CNTNAP2: variants seen among roughly 807,000 people sequenced by gnomAD.
CNTNAP2 encodes contactin associated protein 2, also known as contactin-associated protein-like 2.
A neutral mutation model predicts 155.2 loss-of-function variants in CNTNAP2; 98 were observed. That is an observed-to-expected ratio of 0.63 (90% CI 0.54 to 0.75). The LOEUF is 0.75. Ranked by LOEUF, CNTNAP2 falls within the 30% of genes least tolerant of loss-of-function variation. The pLI, the probability that CNTNAP2 is intolerant of heterozygous loss-of-function variation, is 0.00. For synonymous variants in CNTNAP2, 651 were observed against 631.2 expected, an observed-to-expected ratio of 1.03 and a Z score of -0.47; for missense variants, 1,727 against 1,688.1, an observed-to-expected ratio of 1.02 and a Z score of -0.40.
chr7:148,099,897 G>A (rs552741152), intron 15 of CNTNAP2, among the ~76,000 whole-genome samples: 4 of 126,358 alleles, frequency 3.2e-5, no homozygotes, highest in Non-Finnish European at 6.4e-5. Context: ...TTTTGAGACG[G>A]AGTCTCACTC....
intron 3 of CNTNAP2, among the ~76,000 whole-genome samples, chr7:147,007,597 T>G (rs1798547809): frequency 1.3e-5 from 2 of 152,098 alleles, no homozygotes; most frequent in East Asian, 3.9e-4. Flanking sequence ...GTTTCTTGGT[T>G]GTGGGTTGTG....
At chr7:147,385,329 C>T (rs1796606901) in intron 9 of CNTNAP2, among the ~76,000 whole-genome samples, 1 of 152,116 alleles carries the variant, frequency 6.6e-6, no homozygotes, top group African/African-American at 2.4e-5. Context: ...CCAACAGTCC[C>T]CCAAAGTCTT....
chr7:148,262,243 G>A (rs1306705529), intron 20 of CNTNAP2, among the ~76,000 whole-genome samples: 4 of 152,156 alleles, frequency 2.6e-5, no homozygotes. Context: ...CATCTGGGAG[G>A]CAGGAAGAAT....
At chr7:146,289,047 GCCCGCCTTGGCTTC>G (rs1202703576) in intron 1 of CNTNAP2, among the ~76,000 whole-genome samples, 1 of 144,886 alleles carries the variant, frequency 6.9e-6, no homozygotes, top group Non-Finnish European at 1.5e-5. Context: ...CAAGTGGTCT[GCCCGCCTTGGCTTC>G]CCAAAGTGCT....
At chr7:146,140,131 T>A (rs1797856536) in intron 1 of CNTNAP2, among the ~76,000 whole-genome samples, 1 of 152,102 alleles carries the variant, frequency 6.6e-6, no homozygotes. Flanking sequence ...ACTCAATGGA[T>A]TTTTCCTTTT....
At chr7:146,297,637 A>G (rs985044173) in intron 1 of CNTNAP2, among the ~76,000 whole-genome samples, 18 of 152,184 alleles carry the variant, frequency 1.2e-4, no homozygotes, top group Non-Finnish European at 1.5e-4. Flanking sequence ...TAAGGATTCC[A>G]TGTAGGTAAT....
At chr7:147,052,755 CTT>C (rs1465921301) in intron 4 of CNTNAP2, among the ~76,000 whole-genome samples, 2 of 151,722 alleles carry the variant, frequency 1.3e-5, no homozygotes, top group Non-Finnish European at 2.9e-5. Flanking sequence ...ATAAAAGTAA[CTT>C]AACATAAAAA....
At position 147,590,400 on chromosome 7, in the gene CNTNAP2, T is replaced by C. The variant is rs538090255; in HGVS notation, c.1897+28143T>C. ...TTCCCCCATGCTGTTCTTGTGACAG[T>C]GAGTTCTCACAAGATCTGATGGTCT... On this transcript the variant is annotated intron_variant, in intron 12 of 23. Transcript: ENST00000361727. Among the ~76,000 whole-genome samples the C allele has an allele frequency of 2.2e-4, 33 of 152,212 alleles. No homozygotes were observed. The East Asian group carries it at 6.4e-3, about 29-fold the overall frequency.
chr7:146,210,564 G>A lies in CNTNAP2; in HGVS notation c.97+93591G>A, dbSNP rs1022190291. Among the ~76,000 whole-genome samples the A allele has an allele frequency of 3.9e-5, 6 of 151,996 alleles. No individual in the cohort carries two copies. The East Asian group carries it at 7.7e-4, about 20-fold the overall frequency. The stretch of plus-strand genomic sequence containing the variant: ...AGGGATCTGCCTGCCTTAGCCTCCC[G>A]AAGTGCTGGAATTACAGGTGTGAGC... On this transcript the variant is annotated intron_variant, in intron 1 of 23. Transcript: ENST00000361727.
intron 13 of CNTNAP2, among the ~76,000 whole-genome samples, chr7:147,729,687 T>C (rs1451509805): frequency 6.6e-6 from 1 of 152,034 alleles, no homozygotes; most frequent in African/African-American, 2.4e-5. Flanking sequence ...GTGAGGGTAA[T>C]AGAGAAGATG....
intron 18 of CNTNAP2, among the ~76,000 whole-genome samples, chr7:148,213,566 C>T (rs999424042): frequency 2.6e-5 from 4 of 152,028 alleles, no homozygotes; most frequent in Admixed American, 2.0e-4. Context: ...CCCCAGCCTC[C>T]ATCTCTAGCC....
intron 1 of CNTNAP2, among the ~76,000 whole-genome samples, chr7:146,626,299 G>C (rs539552759): frequency 7.8e-4 from 119 of 152,154 alleles, no homozygotes; most frequent in African/African-American, 2.8e-3. Context: ...TTAATTAATG[G>C]TATTGAATTT....
chr7:147,191,388 G>T (rs1376584312), intron 8 of CNTNAP2, among the ~76,000 whole-genome samples: 3 of 152,168 alleles, frequency 2.0e-5, no homozygotes, highest in Non-Finnish European at 4.4e-5. Context: ...AAATCCTGAA[G>T]TCAAAGTAAA....
chr7:148,075,674 G>A (rs913526611), intron 15 of CNTNAP2, among the ~76,000 whole-genome samples: 10 of 152,140 alleles, frequency 6.6e-5, no homozygotes, highest in African/African-American at 2.4e-4. Flanking sequence ...GGTTTGAAAA[G>A]GAATCTGGAT....
At chr7:146,824,509 G>C (rs902245070) in intron 2 of CNTNAP2, among the ~76,000 whole-genome samples, 1 of 152,148 alleles carries the variant, frequency 6.6e-6, no homozygotes, top group Non-Finnish European at 1.5e-5. Flanking sequence ...TACCAACAGT[G>C]TGAAAACATT....
intron 18 of CNTNAP2, among the ~76,000 whole-genome samples, chr7:148,211,692 C>T (rs1268490217): frequency 2.0e-5 from 3 of 152,180 alleles, no homozygotes; most frequent in Non-Finnish European, 4.4e-5. Context: ...CCCTGGGGTT[C>T]TTACCTTAAG....
At chr7:146,453,901 G>A (rs1796517605) in intron 1 of CNTNAP2, among the ~76,000 whole-genome samples, 1 of 152,126 alleles carries the variant, frequency 6.6e-6, no homozygotes, top group African/African-American at 2.4e-5. Flanking sequence ...CAGAGCATCA[G>A]TGAGCTATGG....
At position 146,116,867 on chromosome 7, in the gene CNTNAP2, G is replaced by T; in HGVS notation, c.-10G>T. On this transcript the variant is annotated 5_prime_UTR_variant, in exon 1 of 24. Transcript: ENST00000361727. This position sits in a 1 kb window ranked among gnomAD's most constrained non-coding sequence, Gnocchi z 5.5. ...GAGCTCTTGGAGCGCCGCCGGCCGG[G>T]AGGCGAAGGATGCAGGCGGCTCCGC... The T allele has an allele frequency of 6.5e-7, 1 of 1,540,598 alleles. No homozygotes were observed.
At chr7:147,634,954 G>A (rs1795151386) in intron 12 of CNTNAP2, among the ~76,000 whole-genome samples, 1 of 152,040 alleles carries the variant, frequency 6.6e-6, no homozygotes, top group Non-Finnish European at 1.5e-5. Context: ...CCTGAATGAT[G>A]CCGGGAAAAT....
Sources: gnomAD v4.1 joint callset for allele counts (sites outside exome capture counted in the v4.1 genomes callset) on GRCh38, gnomAD v4.1.1 for gene constraint, Gnocchi (gnomAD v3.1) non-coding constraint, MANE v1.5 for transcripts, NCBI Gene and HGNC (gene_info 2026-07-23, HGNC 2026-07-21) for gene names.